APPL1: variants seen among roughly 807,000 people sequenced by gnomAD.
The protein encoded by APPL1 is adaptor protein, phosphotyrosine interacting with PH domain and leucine zipper 1.
Under a neutral mutation model 106.8 loss-of-function variants are expected in APPL1, and 42 were observed. That is an observed-to-expected ratio of 0.39 (90% CI 0.31 to 0.51). The LOEUF (loss-of-function observed/expected upper bound fraction) is 0.51. APPL1 is among the 20% of genes least tolerant of loss of function. The probability of loss-of-function intolerance (pLI) is 0.75; values close to 1 mark genes in which losing one functional copy is unlikely to be tolerated. For synonymous variants in APPL1, 263 were observed against 281.8 expected (o/e 0.93, Z 0.67); for missense variants, 769 against 858.2 (o/e 0.90, Z 1.30).
intron 20 of APPL1, chr3:57,268,157 C>T (rs536795019): frequency 2.1e-6 from 1 of 486,840 alleles, no homozygotes; most frequent in South Asian, 3.1e-5. Flanking sequence ...AGTATATTAG[C>T]TCTTTCATAT....
intron 4 of APPL1, among the ~76,000 whole-genome samples, chr3:57,239,278 C>T (rs72875899): frequency 0.062 from 9,514 of 152,232 alleles, 951 homozygotes; most frequent in African/African-American, 0.21. Flanking sequence ...CAAACCATAT[C>T]AAGCAGTCAC....
intron 13 of APPL1, 140 bp from the exon 14 acceptor site, chr3:57,256,816 AG>A: frequency 1.6e-6 from 1 of 631,584 alleles, no homozygotes; most frequent in South Asian, 2.2e-5. Flanking sequence ...TATTAAGACG[AG>A]GGAATATAGT....
chr3:57,231,366 T>G (rs923465697), intron 1 of APPL1, among the ~76,000 whole-genome samples: 2 of 150,100 alleles, frequency 1.3e-5, no homozygotes, highest in African/African-American at 4.9e-5. Flanking sequence ...AAAAGAAAAT[T>G]TTTTTTTTGT....
At chr3:57,242,254 TG>T in intron 6 of APPL1, 112 bp downstream of exon 6, 2 of 777,146 alleles carry the variant, frequency 2.6e-6, no homozygotes, top group African/African-American at 1.8e-5. Context: ...TAAAAATAAG[TG>T]AACATTACTT....
intron 15 of APPL1, among the ~76,000 whole-genome samples, chr3:57,258,550 C>T (rs2060849214): frequency 6.6e-6 from 1 of 152,212 alleles, no homozygotes; most frequent in South Asian, 2.1e-4. Flanking sequence ...CTTCCATCTC[C>T]AGTTCACTTT....
intron 19 of APPL1, 54 bp downstream of exon 19, chr3:57,260,828 C>A: frequency 1.4e-6 from 2 of 1,443,080 alleles, no homozygotes; most frequent in South Asian, 1.6e-5. Flanking sequence ...TTGATTCTTA[C>A]TAAGATTTAA....
At chr3:57,254,525 G>T (rs1440487946) in intron 13 of APPL1, among the ~76,000 whole-genome samples, 3 of 152,200 alleles carry the variant, frequency 2.0e-5, no homozygotes, top group Non-Finnish European at 4.4e-5. Context: ...CCTGAGTTGG[G>T]TAGGATTTGT....
In APPL1 at chr3:57,271,386, TAA is replaced by T. The variant is rs1227703824; in HGVS notation, c.*1703_*1704del. On this transcript the variant is annotated 3_prime_UTR_variant, in exon 22 of 22. Coordinates refer to ENST00000288266, the MANE Select transcript of APPL1 (RefSeq NM_012096.3). ...GTAGAAATTTATGAAATACTTTTGA[TAA>T]AAAGTTTATTTTGTGCTTACCAAAA... 1 of 152,660 alleles carries T rather than the reference TAA, an allele frequency of 6.6e-6. No homozygotes were observed. Among genetic ancestry groups the T allele is most frequent in the South Asian group, 2.1e-4 (1 of 4,836 alleles). The allele number at this position is 152,660 out of a possible 1,614,324, so 9.5% of individuals were successfully genotyped here.
At chr3:57,247,580 T>G in intron 9 of APPL1, 103 bp downstream of exon 9, 1 of 773,480 alleles carries the variant, frequency 1.3e-6, no homozygotes, top group Non-Finnish European at 2.0e-6. Flanking sequence ...TGAGGGAATA[T>G]TTTCCCTGCC....
intron 19 of APPL1, among the ~76,000 whole-genome samples, chr3:57,265,082 G>C: frequency 6.6e-6 from 1 of 151,956 alleles, no homozygotes; most frequent in East Asian, 1.9e-4. Flanking sequence ...ATCCATGAAC[G>C]TGGAATATGT....
At chr3:57,261,513 GT>G (rs1489889237) in intron 19 of APPL1, among the ~76,000 whole-genome samples, 1 of 152,042 alleles carries the variant, frequency 6.6e-6, no homozygotes, top group African/African-American at 2.4e-5. Flanking sequence ...TCTATTTTTA[GT>G]TTTTGTTGTT....
At chr3:57,257,758 G>T (rs995857549) in intron 15 of APPL1, among the ~76,000 whole-genome samples, 8 of 152,062 alleles carry the variant, frequency 5.3e-5, no homozygotes, top group African/African-American at 1.9e-4. Context: ...ATTCTTGAGG[G>T]TAATACATGT....
chr3:57,258,942 G>T, intron 15 of APPL1, 86 bp from the exon 16 acceptor site: 12 of 940,058 alleles, frequency 1.3e-5, no homozygotes, highest in African/African-American at 5.1e-5. Flanking sequence ...TTTTTTAAAT[G>T]TTAACTGTGG....
At chr3:57,230,885 A>G in intron 1 of APPL1, 1 of 320,212 alleles carries the variant, frequency 3.1e-6, no homozygotes, top group Non-Finnish European at 6.2e-6. Flanking sequence ...AAGCTCAGCT[A>G]ATTTTATTTT....
chr3:57,264,571 AATAAAAAAAATAAAAAAAAAT>A (rs2060884322), intron 19 of APPL1, among the ~76,000 whole-genome samples: 1 of 146,620 alleles, frequency 6.8e-6, no homozygotes, highest in Non-Finnish European at 1.5e-5. Context: ...TTTAAAAAAA[AATAAAAAAAATAAAAAAAAAT>A]TTTTTTAAAA....
chr3:57,254,486 T>C (rs1013946491), intron 13 of APPL1, among the ~76,000 whole-genome samples: 2 of 152,218 alleles, frequency 1.3e-5, no homozygotes, highest in East Asian at 3.8e-4. Context: ...GTGTGGACTT[T>C]AGAGAAAGCT....
chr3:57,257,998 A>T (rs1448427631), intron 15 of APPL1, among the ~76,000 whole-genome samples: 1 of 152,226 alleles, frequency 6.6e-6, no homozygotes, highest in Non-Finnish European at 1.5e-5. Flanking sequence ...TAATATATTA[A>T]TTTGGATATA....
chr3:57,259,938 G>T lies in APPL1; in HGVS notation c.1577G>T (p.Arg526Leu), dbSNP rs551759110. Residue 526 changes from arginine to leucine, a missense_variant, in exon 17 of 22, where the codon CGC becomes CTC. Physicochemically the swap from Arg to Leu is moderately radical, Grantham distance 102 (BLOSUM62 -2). Coordinates refer to ENST00000288266, the MANE Select transcript of APPL1 (RefSeq NM_012096.3). ...DHPDVVYETM[R>L]QILAARAIHN... ...CCAGATGTTGTTTATGAAACTATGC[G>T]CCAAATCTTAGCTGCCCGGGCCATC... The T allele has an allele frequency of 6.2e-7, 1 of 1,613,804 alleles. No individual in the cohort carries two copies. Among genetic ancestry groups the T allele is most frequent in the African/African-American group, 1.3e-5 (1 of 74,982 alleles).
At chr3:57,253,125 A>AG (rs939748276) in intron 12 of APPL1, among the ~76,000 whole-genome samples, 2 of 152,314 alleles carry the variant, frequency 1.3e-5, no homozygotes, top group Admixed American at 1.3e-4. Flanking sequence ...AATCCTCGAG[A>AG]GTGAAGCAGA....
Sources: gnomAD v4.1 joint callset for allele counts (sites outside exome capture counted in the v4.1 genomes callset) on GRCh38, gnomAD v4.1.1 for gene constraint, MANE v1.5 for transcripts, NCBI Gene and HGNC (gene_info 2026-07-23, HGNC 2026-07-21) for gene names.